The following ADGRL3 variants were observed in gnomAD, a reference collection of about 807,000 sequenced individuals.
ADGRL3 encodes the protein adhesion G protein-coupled receptor L3.
A neutral mutation model predicts 153.5 loss-of-function variants in ADGRL3; 62 were observed. The ratio of observed to expected loss-of-function variants is 0.40; its 90% CI spans 0.33 to 0.50. The LOEUF is 0.50. Among genes scored for constraint, ADGRL3 ranks in the 20% least tolerant of loss-of-function variants. The pLI, the probability that ADGRL3 is intolerant of heterozygous loss-of-function variation, is 0.47. For missense variants in ADGRL3, 1,641 were observed against 1,859.4 expected (o/e 0.88, Z 2.16); for synonymous variants, 710 against 672.5 (o/e 1.06, Z -0.86).
chr4:61,569,130 G>T (rs958862), intron 4 of ADGRL3, among the ~76,000 whole-genome samples: 1 of 151,956 alleles, frequency 6.6e-6, no homozygotes, highest in Non-Finnish European at 1.5e-5. Context: ...GTATTTCTTA[G>T]CTATAAAGTC....
chr4:61,528,541 T>A (rs1376006174), intron 4 of ADGRL3, among the ~76,000 whole-genome samples: 1 of 152,034 alleles, frequency 6.6e-6, no homozygotes, highest in Non-Finnish European at 1.5e-5. Flanking sequence ...TGCCACCATA[T>A]GGGGATTTAT....
At chr4:61,738,218 G>C (rs1279281529) in intron 8 of ADGRL3, among the ~76,000 whole-genome samples, 2 of 152,078 alleles carry the variant, frequency 1.3e-5, no homozygotes, top group Non-Finnish European at 2.9e-5. Context: ...TAGTCTCCAA[G>C]TCCATCCATG....
intron 1 of ADGRL3, among the ~76,000 whole-genome samples, chr4:61,214,189 A>ATT (rs1266999497): frequency 1.3e-5 from 2 of 152,194 alleles, no homozygotes; most frequent in African/African-American, 2.4e-5. Context: ...AAAAATGCAA[A>ATT]TTTACTGGTT....
intron 5 of ADGRL3, among the ~76,000 whole-genome samples, chr4:61,658,666 A>G (rs949105663): frequency 4.6e-5 from 7 of 152,124 alleles, no homozygotes; most frequent in African/African-American, 1.7e-4. Context: ...CTTCTAATCT[A>G]AGAGCACAAT....
At chr4:61,239,511 C>T (rs1754123931) in intron 1 of ADGRL3, among the ~76,000 whole-genome samples, 2 of 151,882 alleles carry the variant, frequency 1.3e-5, no homozygotes, top group Non-Finnish European at 2.9e-5. Flanking sequence ...TGTTACTCTC[C>T]CAGGAGACAA....
At chr4:62,004,371 G>T (rs976554735) in intron 21 of ADGRL3, among the ~76,000 whole-genome samples, 4 of 151,830 alleles carry the variant, frequency 2.6e-5, no homozygotes, top group Non-Finnish European at 4.4e-5. Context: ...GCTCTGAGTT[G>T]TATAGTAAAT....
At chr4:61,976,730 A>G (rs1162092320) in intron 17 of ADGRL3, among the ~76,000 whole-genome samples, 2 of 152,060 alleles carry the variant, frequency 1.3e-5, no homozygotes, top group African/African-American at 4.8e-5. Flanking sequence ...GCCTTGTAAG[A>G]CGTGTCTTGC....
intron 17 of ADGRL3, among the ~76,000 whole-genome samples, chr4:61,976,311 G>A (rs2099047799): frequency 6.6e-6 from 1 of 152,058 alleles, no homozygotes; most frequent in South Asian, 2.1e-4. Context: ...CTTGAAAGGA[G>A]TTTGCTTTTT....
At position 61,733,126 on chromosome 4, in the gene ADGRL3, G is replaced by A. The variant is rs1285211466; in HGVS notation, c.971G>A (p.Arg324Gln). 10 of 1,613,044 alleles carry A rather than the reference G, an allele frequency of 6.2e-6. No individual in the cohort carries two copies. In the African/African-American group the frequency reaches 8.0e-5, roughly 13 times the overall value. The stretch of plus-strand genomic sequence containing the variant: ...AATTACCATGATACCTCCCCTTACC[G>A]ATGGGGAGGCAAATCTGACATAGAC... ...NANYHDTSPY[R>Q]WGGKSDIDLA... Residue 324 changes from arginine to glutamine, a missense_variant, in exon 8 of 27, where the codon CGA becomes CAA. This residue lies in a region of ADGRL3 where 213 missense variants were observed against 362.1 expected (regional missense o/e 0.59). Coordinates refer to ENST00000683033, the MANE Select transcript of ADGRL3 (RefSeq NM_001387552.1).
At chr4:61,398,231 A>T (rs2096890226) in intron 2 of ADGRL3, among the ~76,000 whole-genome samples, 1 of 151,678 alleles carries the variant, frequency 6.6e-6, no homozygotes, top group Non-Finnish European at 1.5e-5. Context: ...ACTAGAAAGC[A>T]GATTTTGAAA....
At chr4:61,436,553 C>T (rs1403861947) in intron 2 of ADGRL3, among the ~76,000 whole-genome samples, 1 of 152,086 alleles carries the variant, frequency 6.6e-6, no homozygotes, top group Non-Finnish European at 1.5e-5. Flanking sequence ...GAACAAGGAG[C>T]ATTGCTGACA....
chr4:61,641,186 T>C (rs1221045591), intron 5 of ADGRL3, among the ~76,000 whole-genome samples: 2 of 152,130 alleles, frequency 1.3e-5, no homozygotes, highest in African/African-American at 4.8e-5. Flanking sequence ...ACGGCTATTT[T>C]GATGATTAAT....
In ADGRL3 at chr4:61,892,801, C is replaced by T. The variant is rs757240870; in HGVS notation, c.1626C>T (p.Val542=). The part of the protein sequence containing the change: ...NRSTSTPSPA[V]EVLDDMTTHL... ...GTACTAGTACCCCATCTCCAGCTGTCGAGGTACTTGATGACATGACCACAC... is the reference window on the plus strand; with the variant it reads ...GTACTAGTACCCCATCTCCAGCTGTTGAGGTACTTGATGACATGACCACAC... The change falls in exon 10 of 27, where the codon GTC becomes GTT. Residue 542 remains valine (V), a synonymous_variant. Transcript: ENST00000683033. 16 of 1,613,826 alleles carry T rather than the reference C, an allele frequency of 9.9e-6. No homozygotes were observed. The highest frequency in any genetic ancestry group is 8.9e-5 in the East Asian group (4 of 44,832).
intron 8 of ADGRL3, among the ~76,000 whole-genome samples, chr4:61,742,436 G>A (rs6857338): frequency 0.087 from 13,180 of 151,734 alleles, 1,219 homozygotes; most frequent in African/African-American, 0.23. Flanking sequence ...CCGCCACCAC[G>A]CCCGGCTAAT....
Position 61,737,639 on chromosome 4 carries a change from C to G in ADGRL3, c.1399+4085C>G, listed in dbSNP as rs147363512. Among the ~76,000 whole-genome samples the G allele has an allele frequency of 5.1e-3, 778 of 152,286 alleles. 3 individuals carry two copies. Among genetic ancestry groups the G allele is most frequent in the South Asian group, 0.014 (69 of 4,826 alleles). ...GAAAATATATGTAATAGGCACAATA[C>G]AGTAACAACCTAATAGATTTGCAGT... On this transcript the variant is annotated intron_variant, in intron 8 of 26. Coordinates refer to ENST00000683033, the MANE Select transcript of ADGRL3 (RefSeq NM_001387552.1).
At chr4:61,744,034 T>G (rs2096618967) in intron 8 of ADGRL3, among the ~76,000 whole-genome samples, 1 of 152,112 alleles carries the variant, frequency 6.6e-6, no homozygotes, top group African/African-American at 2.4e-5. Flanking sequence ...CCGATGGGCT[T>G]AAAAAACGGC....
intron 1 of ADGRL3, among the ~76,000 whole-genome samples, chr4:61,300,011 G>A (rs2094530513): frequency 6.6e-6 from 1 of 151,966 alleles, no homozygotes; most frequent in Non-Finnish European, 1.5e-5. Flanking sequence ...TGCAGAGTGG[G>A]CTTTTTATAG....
intron 4 of ADGRL3, among the ~76,000 whole-genome samples, chr4:61,540,789 C>CA (rs141783691): frequency 0.026 from 3,956 of 151,690 alleles, 77 homozygotes; most frequent in Non-Finnish European, 0.039. Flanking sequence ...AAAGAACACA[C>CA]AAAAAAAATT....
At chr4:61,516,147 TG>T (rs2098492924) in intron 3 of ADGRL3, among the ~76,000 whole-genome samples, 1 of 152,126 alleles carries the variant, frequency 6.6e-6, no homozygotes, top group Non-Finnish European at 1.5e-5. Context: ...CCATAAAACT[TG>T]TATTATTTTA....
Sources: allele counts gnomAD v4.1 joint callset (sites outside exome capture counted in the v4.1 genomes callset), GRCh38; gene constraint gnomAD v4.1.1; regional missense constraint gnomAD v4.1.1; transcripts MANE v1.5; gene names NCBI Gene and HGNC (gene_info 2026-07-23, HGNC 2026-07-21).